The following CCDC192 variants were observed in gnomAD, a reference collection of about 807,000 sequenced individuals.
CCDC192 encodes the protein coiled-coil domain containing 192.
At chr5:127,774,048 A>G (rs1006061547) in intron 3 of CCDC192, among the ~76,000 whole-genome samples, 2 of 152,146 alleles carry the variant, frequency 1.3e-5, no homozygotes. Flanking sequence ...CTTCTTGGCC[A>G]TTTGTGTGTC....
intron 3 of CCDC192, chr5:127,786,987 G>T (rs139251419): frequency 4.1e-5 from 15 of 366,586 alleles, no homozygotes; most frequent in Admixed American, 2.0e-4. Flanking sequence ...ATCCAGATCT[G>T]GTCTAAGCCA....
At chr5:127,880,615 TAAATA>T in intron 6 of CCDC192, among the ~76,000 whole-genome samples, 1 of 150,806 alleles carries the variant, frequency 6.6e-6, no homozygotes, top group South Asian at 2.1e-4. Flanking sequence ...AATAAATAAA[TAAATA>T]AAATGAAAAT....
At position 127,802,450 on chromosome 5, in the gene CCDC192, A is replaced by T. The variant is rs560456498; in HGVS notation, c.411+4288A>T. 5.3e-5 allele frequency among the ~76,000 whole-genome samples: 8 copies of T among 151,936 alleles called. No individual in the cohort carries two copies. In the East Asian group the frequency reaches 1.4e-3, roughly 26 times the overall value. On this transcript the variant is annotated intron_variant, in intron 5 of 6. Transcript: ENST00000514853. ...ATCTCCATCTCCATCTGCGACCCCC[A>T]AGTGCACCCTGCATCTCTGCCCTAG...
chr5:127,890,372 T>C (rs888459240), intron 6 of CCDC192, among the ~76,000 whole-genome samples: 1 of 151,758 alleles, frequency 6.6e-6, no homozygotes, highest in East Asian at 1.9e-4. Flanking sequence ...AGCATCACTA[T>C]TGTAAAACCT....
intron 2 of CCDC192, among the ~76,000 whole-genome samples, chr5:127,750,918 C>T (rs1397672793): frequency 6.7e-6 from 1 of 149,998 alleles, no homozygotes; most frequent in Non-Finnish European, 1.5e-5. Flanking sequence ...TCTGTTTTAT[C>T]AGAGACTAAG....
intron 3 of CCDC192, among the ~76,000 whole-genome samples, chr5:127,759,617 G>A (rs1173453553): frequency 6.6e-6 from 1 of 152,192 alleles, no homozygotes; most frequent in Non-Finnish European, 1.5e-5. Flanking sequence ...CAGCCCAAAT[G>A]AACTAAGACA....
intron 3 of CCDC192, among the ~76,000 whole-genome samples, chr5:127,756,108 G>T (rs550252149): frequency 6.6e-6 from 1 of 151,858 alleles, no homozygotes; most frequent in African/African-American, 2.4e-5. Flanking sequence ...ACTCCAGCCT[G>T]GGCGACAGAG....
intron 5 of CCDC192, among the ~76,000 whole-genome samples, chr5:127,829,271 C>T (rs1280067838): frequency 6.6e-6 from 1 of 152,092 alleles, no homozygotes; most frequent in Non-Finnish European, 1.5e-5. Flanking sequence ...AAATGCAGAT[C>T]TGAAAAAGAA....
intron 6 of CCDC192, among the ~76,000 whole-genome samples, chr5:127,919,922 A>T (rs992700792): frequency 2.0e-5 from 3 of 152,190 alleles, no homozygotes; most frequent in Non-Finnish European, 2.9e-5. Flanking sequence ...GACCAGGTAA[A>T]GGATTGCCCA....
chr5:127,815,819 G>GGTTGCACC (rs1472989656), intron 5 of CCDC192, among the ~76,000 whole-genome samples: 18 of 151,864 alleles, frequency 1.2e-4, no homozygotes, highest in South Asian at 4.2e-4. Flanking sequence ...AGTGAGAGTA[G>GGTTGCACC]GTTGCACCAT....
chr5:127,834,760 A>T (rs17164626), intron 5 of CCDC192, among the ~76,000 whole-genome samples: 7,308 of 152,256 alleles, frequency 0.048, 483 homozygotes, highest in East Asian at 0.28. Context: ...TCTAGCGAAT[A>T]GTAAAACAGC....
chr5:127,823,477 TA>T (rs898469946), intron 5 of CCDC192, among the ~76,000 whole-genome samples: 1 of 152,228 alleles, frequency 6.6e-6, no homozygotes, highest in African/African-American at 2.4e-5. Flanking sequence ...TGATTTTACT[TA>T]TTCAATTTCC....
At chr5:127,800,394 AAAAAAAACAAC>A (rs916533245) in intron 5 of CCDC192, among the ~76,000 whole-genome samples, 6 of 138,436 alleles carry the variant, frequency 4.3e-5, no homozygotes, top group East Asian at 2.0e-4. Context: ...AAAAAAAAAA[AAAAAAAACAAC>A]AACAACAAAA....
chr5:127,917,096 C>T (rs1446945904), intron 6 of CCDC192, among the ~76,000 whole-genome samples: 1 of 152,200 alleles, frequency 6.6e-6, no homozygotes, highest in African/African-American at 2.4e-5. Flanking sequence ...TTTCAGTTTG[C>T]ACTTTTGTGT....
At chr5:127,750,126 G>A (rs9688160) in intron 2 of CCDC192, among the ~76,000 whole-genome samples, 8,675 of 152,012 alleles carry the variant, frequency 0.057, 550 homozygotes, top group East Asian at 0.27. Flanking sequence ...ACTTCTGCTC[G>A]GATTTTAGTT....
chr5:127,934,772 G>A (rs1467137018), intron 6 of CCDC192, among the ~76,000 whole-genome samples: 6 of 152,192 alleles, frequency 3.9e-5, no homozygotes, highest in African/African-American at 1.4e-4. Context: ...TTAAGTGGGA[G>A]GGATATATTT....
rs146699186 is a variant in CCDC192, at chr5:127,917,761, T to C, written c.536-23421T>C. On this transcript the variant is annotated intron_variant, in intron 6 of 6. Coordinates refer to ENST00000514853, the MANE Select transcript of CCDC192 (RefSeq NM_001317938.2). ...ATCGATCACAGAACACCATAAAAGA[T>C]ATAATAATAATGAAAGAGTTTGAAA... Among the ~76,000 whole-genome samples, 612 of 152,200 alleles carry C rather than the reference T, an allele frequency of 4.0e-3. 1 individual carries two copies. The highest frequency in any genetic ancestry group is 0.014 in the African/African-American group (584 of 41,512).
intron 6 of CCDC192, among the ~76,000 whole-genome samples, chr5:127,929,015 T>A (rs898111413): frequency 6.6e-6 from 1 of 152,052 alleles, no homozygotes; most frequent in African/African-American, 2.4e-5. Context: ...TCCACCCACC[T>A]CAGCCTCCCA....
At chr5:127,755,680 C>CA (rs35162424) in intron 3 of CCDC192, among the ~76,000 whole-genome samples, 38,474 of 113,298 alleles carry the variant, frequency 0.34, 5,771 homozygotes, top group South Asian at 0.47. Flanking sequence ...CATTTCAAAG[C>CA]AAAAAAAAAA....
Sources: gnomAD v4.1 joint callset for allele counts (sites outside exome capture counted in the v4.1 genomes callset) on GRCh38, gnomAD v4.1.1 for gene constraint, MANE v1.5 for transcripts, NCBI Gene and HGNC (gene_info 2026-07-23, HGNC 2026-07-21) for gene names.